Variants in ALG10B observed in about 807,000 individuals in gnomAD.
ALG10B encodes dol-P-Glc:Glc(2)Man(9)GlcNAc(2)-PP-Dol alpha-1,2-glucosyltransferase B.
In ALG10B, 27 loss-of-function variants were observed where a neutral mutation model predicts 38.7. That is an observed-to-expected ratio of 0.70 (90% confidence interval 0.51 to 0.96). The LOEUF (loss-of-function observed/expected upper bound fraction) is 0.96. ALG10B is among the 40% of genes least tolerant of loss of function. ALG10B has a pLI of 0.00. For synonymous variants in ALG10B, 177 were observed against 193.3 expected (o/e 0.92, Z 0.70); for missense variants, 522 against 542.7 (o/e 0.96, Z 0.38).
In ALG10B at chr12:38,324,726, T is replaced by C. The variant is rs891297240; in HGVS notation, c.*3513T>C. 3 of 152,180 alleles carry C rather than the reference T, an allele frequency of 2.0e-5. No homozygotes were observed. Among genetic ancestry groups the C allele is most frequent in the African/African-American group, 4.8e-5 (2 of 41,434 alleles). 9.4% of individuals were successfully genotyped at this position (152,180 alleles called of 1,614,324 possible). On this transcript the variant is annotated 3_prime_UTR_variant, in exon 3 of 3. Coordinates refer to ENST00000308742, the MANE Select transcript of ALG10B (RefSeq NM_001013620.4). ...CTCAAAGTCATTCACTTGAAACAACTGAGAAGACCATTCTTAGGTGTTTAG... is the reference window on the plus strand; with the variant it reads ...CTCAAAGTCATTCACTTGAAACAACCGAGAAGACCATTCTTAGGTGTTTAG...
At position 38,323,638 on chromosome 12, in the gene ALG10B, A is replaced by G; in HGVS notation, c.*2425A>G. On this transcript the variant is annotated 3_prime_UTR_variant, in exon 3 of 3. Coordinates refer to ENST00000308742, the MANE Select transcript of ALG10B (RefSeq NM_001013620.4). The stretch of plus-strand genomic sequence containing the variant: ...TTGTGTGCAGGTGAAAATTACAAGT[A>G]TAATTTGAGTAATAAATGCAGGCCA... The G allele has an allele frequency of 2.5e-6, 1 of 397,412 alleles. No homozygotes were observed. Among genetic ancestry groups the G allele is most frequent in the East Asian group, 4.1e-5 (1 of 24,110 alleles). 24.6% of individuals were successfully genotyped at this position (397,412 alleles called of 1,614,324 possible).
rs930553161 is a variant in ALG10B at position 38,326,426 on chromosome 12, A to T, written c.*5213A>T. 4.9e-4 allele frequency: 74 copies of T among 151,460 alleles called. No individual in the cohort carries two copies. Among genetic ancestry groups the T allele is most frequent in the Admixed American group, 2.1e-3 (32 of 15,208 alleles). The allele number at this position is 151,460 out of a possible 1,614,324, so 9.4% of individuals were successfully genotyped here. ...TTTATTTAAAATAAGAAAAACAAAT[A>T]ACTTTCAACCATTAAAAGGTTATAA... On this transcript the variant is annotated 3_prime_UTR_variant, in exon 3 of 3. Transcript: ENST00000308742.
rs997161575 is a variant in ALG10B, at chr12:38,327,618, A to C, written c.*6405A>C. On this transcript the variant is annotated 3_prime_UTR_variant, in exon 3 of 3. Coordinates refer to ENST00000308742, the MANE Select transcript of ALG10B (RefSeq NM_001013620.4). ...CCAAGCCTGTGAGTTTTTGACCGTC[A>C]TATTCTGCCTCACTATGAAAAGTTT... 11 of 142,734 alleles carry C rather than the reference A, an allele frequency of 7.7e-5. No individual in the cohort carries two copies. The highest frequency in any genetic ancestry group is 1.2e-4 in the Non-Finnish European group (8 of 66,146). The allele number at this position is 142,734 out of a possible 1,614,324, so 8.8% of individuals were successfully genotyped here.
rs1264267120 is a variant in ALG10B, at chr12:38,327,202, C to A, written c.*5989C>A. 1.3e-5 allele frequency: 2 copies of A among 151,148 alleles called. No homozygotes were observed. Among genetic ancestry groups the A allele is most frequent in the African/African-American group, 4.9e-5 (2 of 41,114 alleles). The allele number at this position is 151,148 out of a possible 1,614,324, so 9.4% of individuals were successfully genotyped here. Reference sequence around the variant, plus strand: ...CTCAAAACACCTGCCTCAAGTGATCCTCCCACCTTGGCCTCCCAAAGTGCT... The same window carrying A: ...CTCAAAACACCTGCCTCAAGTGATCATCCCACCTTGGCCTCCCAAAGTGCT... On this transcript the variant is annotated 3_prime_UTR_variant, in exon 3 of 3. Coordinates refer to ENST00000308742, the MANE Select transcript of ALG10B (RefSeq NM_001013620.4).
Position 38,324,770 on chromosome 12 carries a change from A to G in ALG10B, c.*3557A>G, listed in dbSNP as rs528583164. 6.6e-6 allele frequency: 1 copy of G among 152,318 alleles called. No homozygotes were observed. Among genetic ancestry groups the G allele is most frequent in the South Asian group, 2.1e-4 (1 of 4,828 alleles). 9.4% of individuals were successfully genotyped at this position (152,318 alleles called of 1,614,324 possible). A position where few individuals can be genotyped will look rare whatever the true frequency, so the allele number is the denominator to read the frequency against. On this transcript the variant is annotated 3_prime_UTR_variant, in exon 3 of 3. Coordinates refer to ENST00000308742, the MANE Select transcript of ALG10B (RefSeq NM_001013620.4). ...TGTTTAGATCCTTGCTTTTAGAAAC[A>G]TTCTTAGTTATATTTGTGTTTTCAA...
In ALG10B at chr12:38,325,071, G is replaced by A. The variant is rs561958162; in HGVS notation, c.*3858G>A. On this transcript the variant is annotated 3_prime_UTR_variant, in exon 3 of 3. Transcript: ENST00000308742. ...GATATGTTATCTTTAGGTAGCATGA[G>A]TAAGATTCAGGTATGCTGTGAATTT... The A allele has an allele frequency of 1.3e-5, 2 of 152,156 alleles. No homozygotes were observed. Among genetic ancestry groups the A allele is most frequent in the South Asian group, 2.1e-4 (1 of 4,836 alleles). The allele number at this position is 152,156 out of a possible 1,614,324, so 9.4% of individuals were successfully genotyped here.
At position 38,318,289 on chromosome 12, in the gene ALG10B, G is replaced by T. The variant is rs767099870; in HGVS notation, c.200G>T (p.Gly67Val). 14 of 1,613,864 alleles carry T rather than the reference G, an allele frequency of 8.7e-6. No homozygotes were observed. The Admixed American group carries it at 1.8e-4, about 21-fold the overall frequency. Residue 67 changes from glycine to valine, a missense_variant, in exon 2 of 3, where the codon GGC (glycine) becomes GTC (valine). Transcript: ENST00000308742. ...GATCCCATGATTACTACATTACCTG[G>T]CTTGTACCTGGTGTCAGTTGGAGTG... ...QWDPMITTLP[G>V]LYLVSVGVVK...
intron 1 of ALG10B, chr12:38,317,418 A>G: frequency 3.3e-6 from 1 of 306,556 alleles, no homozygotes; most frequent in Non-Finnish European, 6.2e-6. Context: ...ACTTCCCTTT[A>G]GCTCACCTGT....
At position 38,317,010 on chromosome 12, in the gene ALG10B, C is replaced by G. The variant is rs1945661782; in HGVS notation, c.117C>G (p.Ile39Met). 2.5e-6 allele frequency: 4 copies of G among 1,614,112 alleles called. No homozygotes were observed. Among genetic ancestry groups the G allele is most frequent in the Non-Finnish European group, 3.4e-6 (4 of 1,180,012 alleles). Residue 39 changes from isoleucine to methionine, a missense_variant, in exon 1 of 3, where the codon ATC (isoleucine) becomes ATG (methionine). By Grantham distance (10) the Ile-to-Met change is conservative. Coordinates refer to ENST00000308742, the MANE Select transcript of ALG10B (RefSeq NM_001013620.4). ...TGCGAGAGCCCTACATGGACGAGAT[C>G]TTCCACCTGCCTCAGGCGCAGCGCT... ...RALREPYMDE[I>M]FHLPQAQRYC... is the part of the protein sequence containing the mutation.
chr12:38,321,150 C>T lies in ALG10B; in HGVS notation c.1359C>T (p.Tyr453=). ...CAATTGTTAATTTCATAACTTTTTACATCTTTCTGAACAAGACTTTTCAGT... is the reference window on the plus strand; with the variant it reads ...CAATTGTTAATTTCATAACTTTTTATATCTTTCTGAACAAGACTTTTCAGT... ...CYAIVNFITF[Y]IFLNKTFQWP... is the part of the protein sequence containing the mutation. The change falls in exon 3 of 3, where the codon TAC becomes TAT. Residue 453 remains tyrosine, a synonymous_variant. Coordinates refer to ENST00000308742, the MANE Select transcript of ALG10B (RefSeq NM_001013620.4). 5 of 1,612,928 alleles carry T rather than the reference C, an allele frequency of 3.1e-6. No homozygotes were observed. The highest frequency in any genetic ancestry group is 1.1e-5 in the South Asian group (1 of 90,758).
rs978349383 is a variant in ALG10B, at chr12:38,325,932, G to A, written c.*4719G>A. On this transcript the variant is annotated 3_prime_UTR_variant, in exon 3 of 3. Coordinates refer to ENST00000308742, the MANE Select transcript of ALG10B (RefSeq NM_001013620.4). ...AATGAAGTTTTTAGTATAGAGTGAA[G>A]TGAATAGAAAAAACATCCTACATAA... The A allele has an allele frequency of 3.9e-5, 6 of 152,074 alleles. No homozygotes were observed. The highest frequency in any genetic ancestry group is 7.2e-5 in the African/African-American group (3 of 41,416). 9.4% of individuals were successfully genotyped at this position (152,074 alleles called of 1,614,324 possible).
intron 1 of ALG10B, 48 bp from the exon 2 acceptor site, chr12:38,318,213 T>C (rs750949527): frequency 4.2e-5 from 67 of 1,607,856 alleles, no homozygotes; most frequent in Non-Finnish European, 5.0e-5. Context: ...TGTGTCTGTC[T>C]TGTTCGTATT....
In ALG10B at chr12:38,316,960, C is replaced by G. The variant is rs199628866; in HGVS notation, c.67C>G (p.Leu23Val). 3 of 1,614,158 alleles carry G rather than the reference C, an allele frequency of 1.9e-6. No individual in the cohort carries two copies. The highest frequency in any genetic ancestry group is 1.3e-5 in the African/African-American group (1 of 75,022). Residue 23 changes from leucine (L) to valine (V), a missense_variant, in exon 1 of 3, where the codon CTC becomes GTC. By Grantham distance (32) the Leu-to-Val change is conservative. Coordinates refer to ENST00000308742, the MANE Select transcript of ALG10B (RefSeq NM_001013620.4). ...CTGTACCTTTTTAGTGTCCTGCCTC[C>G]TCTTCTCCGCCTTCAGCCGGGCGCT... ...LSCTFLVSCL[L>V]FSAFSRALRE...
chr12:38,324,684 C>T lies in ALG10B; in HGVS notation c.*3471C>T, dbSNP rs1038319721. On this transcript the variant is annotated 3_prime_UTR_variant, in exon 3 of 3. Coordinates refer to ENST00000308742, the MANE Select transcript of ALG10B (RefSeq NM_001013620.4). ...ACAGATCATTTTGCCTTTAGTCGTT[C>T]AAGAAATGATACTAAACTCAAAGTC... 17 of 152,110 alleles carry T rather than the reference C, an allele frequency of 1.1e-4. No homozygotes were observed. Among genetic ancestry groups the T allele is most frequent in the African/African-American group, 3.4e-4 (14 of 41,410 alleles). 9.4% of individuals were successfully genotyped at this position (152,110 alleles called of 1,614,324 possible).
At position 38,323,829 on chromosome 12, in the gene ALG10B, G is replaced by T; in HGVS notation, c.*2616G>T. ...TACTATAGTGGAGAACTAAATCTGG[G>T]AAGTCAAAATTGAAAAAAGAATGTG... On this transcript the variant is annotated 3_prime_UTR_variant, in exon 3 of 3. Coordinates refer to ENST00000308742, the MANE Select transcript of ALG10B (RefSeq NM_001013620.4). 1 of 696,706 alleles carries T rather than the reference G, an allele frequency of 1.4e-6. No homozygotes were observed. Among genetic ancestry groups the T allele is most frequent in the Non-Finnish European group, 2.6e-6 (1 of 382,844 alleles). The allele number at this position is 696,706 out of a possible 1,614,324, so 43.2% of individuals were successfully genotyped here. A position where few individuals can be genotyped will look rare whatever the true frequency, so the allele number is the denominator to read the frequency against.
Position 38,321,338 on chromosome 12 carries a change from G to C in ALG10B, c.*125G>C. 1.0e-6 allele frequency: 1 copy of C among 954,346 alleles called. No individual in the cohort carries two copies. Among genetic ancestry groups the C allele is most frequent in the Non-Finnish European group, 1.5e-6 (1 of 673,062 alleles). 59.1% of individuals were successfully genotyped at this position (954,346 alleles called of 1,614,324 possible). A position where few individuals can be genotyped will look rare whatever the true frequency, so the allele number is the denominator to read the frequency against. On this transcript the variant is annotated 3_prime_UTR_variant, in exon 3 of 3. Coordinates refer to ENST00000308742, the MANE Select transcript of ALG10B (RefSeq NM_001013620.4). Reference sequence around the variant, plus strand: ...CAGTGGTGGTCCTCAAATTACATTAGTTTTTTTAATATATATTTTAAACAT... The same window carrying C: ...CAGTGGTGGTCCTCAAATTACATTACTTTTTTTAATATATATTTTAAACAT...
At position 38,326,271 on chromosome 12, in the gene ALG10B, G is replaced by A. The variant is rs185804444; in HGVS notation, c.*5058G>A. On this transcript the variant is annotated 3_prime_UTR_variant, in exon 3 of 3. Coordinates refer to ENST00000308742, the MANE Select transcript of ALG10B (RefSeq NM_001013620.4). Reference sequence around the variant, plus strand: ...TTCGTGTATTTTATGTGTGGCCCAAGATGGTTCTTCCAGTGTGGCCCAGGG... The same window carrying A: ...TTCGTGTATTTTATGTGTGGCCCAAAATGGTTCTTCCAGTGTGGCCCAGGG... 8.6e-5 allele frequency: 13 copies of A among 151,680 alleles called. No homozygotes were observed. The highest frequency in any genetic ancestry group is 5.9e-4 in the Admixed American group (9 of 15,242). 9.4% of individuals were successfully genotyped at this position (151,680 alleles called of 1,614,324 possible). A position where few individuals can be genotyped will look rare whatever the true frequency, so the allele number is the denominator to read the frequency against.
chr12:38,329,045 ACT>A lies in ALG10B; in HGVS notation c.*7835_*7836del. 2.5e-6 allele frequency: 1 copy of A among 395,090 alleles called. No individual in the cohort carries two copies. The highest frequency in any genetic ancestry group is 4.5e-6 in the Non-Finnish European group (1 of 224,280). The allele number at this position is 395,090 out of a possible 1,614,324, so 24.5% of individuals were successfully genotyped here. ...CCTGACTCCAAAATCAATATTCTTAACTCTATTGTTATGATGGAGAAAGGCAT... is the reference window on the plus strand; with the variant it reads ...CCTGACTCCAAAATCAATATTCTTAACTATTGTTATGATGGAGAAAGGCAT... On this transcript the variant is annotated 3_prime_UTR_variant, in exon 3 of 3. Transcript: ENST00000308742.
chr12:38,320,018 G>A (rs1945687203), intron 2 of ALG10B, 143 bp from the exon 3 acceptor site: 5 of 1,103,132 alleles, frequency 4.5e-6, no homozygotes, highest in South Asian at 3.1e-5. Flanking sequence ...TTTTTGCAAA[G>A]CCAGAGATAA....
Sources: allele counts gnomAD v4.1 joint callset, GRCh38; gene constraint gnomAD v4.1.1; transcripts MANE v1.5; gene names NCBI Gene and HGNC (gene_info 2026-07-23, HGNC 2026-07-21).